The following RHEX variants were observed in gnomAD, a reference collection of about 807,000 sequenced individuals.
The protein encoded by RHEX is regulator of hemoglobinization and erythroid cell expansion protein.
RHEX carries 18 observed loss-of-function variants against 20.1 expected under a neutral mutation model. The observed-to-expected ratio is 0.90, with a 90% CI of 0.62 to 1.33. The LOEUF (loss-of-function observed/expected upper bound fraction) is 1.33, where lower values mean the gene tolerates loss of function less well. Ranked by LOEUF, RHEX falls within the 40% of genes most tolerant of loss-of-function variation. RHEX has a pLI of 0.00. For synonymous variants in RHEX, 87 were observed against 77.1 expected, an observed-to-expected ratio of 1.13 and a Z score of -0.67; for missense variants, 192 against 214.3, an observed-to-expected ratio of 0.90 and a Z score of 0.65.
At chr1:206,075,936 C>T (rs1461971975) in intron 1 of RHEX, among the ~76,000 whole-genome samples, 1 of 152,096 alleles carries the variant, frequency 6.6e-6, no homozygotes, top group African/African-American at 2.4e-5. Context: ...ACATCACTGT[C>T]TTGGCATTAT....
intron 1 of RHEX, among the ~76,000 whole-genome samples, chr1:206,054,318 A>T (rs1662141823): frequency 1.3e-5 from 2 of 152,266 alleles, no homozygotes; most frequent in African/African-American, 4.8e-5. Flanking sequence ...ATTTATGCAA[A>T]AAATGTTGTA....
At chr1:206,075,358 A>G (rs1157482944) in intron 1 of RHEX, among the ~76,000 whole-genome samples, 2 of 152,250 alleles carry the variant, frequency 1.3e-5, no homozygotes, top group Non-Finnish European at 2.9e-5. Flanking sequence ...AGAGTGGATC[A>G]TTGGCAGTGG....
intron 1 of RHEX, among the ~76,000 whole-genome samples, chr1:206,096,655 C>T (rs571857444): frequency 1.3e-5 from 2 of 152,326 alleles, no homozygotes; most frequent in Admixed American, 1.3e-4. Flanking sequence ...AATCAAGTCA[C>T]CAAATCCTTC....
chr1:206,091,623 G>C (rs1415153260), intron 1 of RHEX, among the ~76,000 whole-genome samples: 1 of 152,158 alleles, frequency 6.6e-6, no homozygotes, highest in East Asian at 1.9e-4. Context: ...TGGGATTTAG[G>C]ATTTTGAGTC....
At chr1:206,081,270 C>T (rs1379005852) in intron 1 of RHEX, among the ~76,000 whole-genome samples, 4 of 152,172 alleles carry the variant, frequency 2.6e-5, no homozygotes, top group Admixed American at 6.5e-5. Context: ...GTATCGAGTA[C>T]ATACTAGGTA....
chr1:206,091,773 C>T (rs1163720621), intron 1 of RHEX, among the ~76,000 whole-genome samples: 3 of 152,100 alleles, frequency 2.0e-5, no homozygotes, highest in Non-Finnish European at 4.4e-5. Flanking sequence ...ATGGAAAATA[C>T]CCAATGTTTG....
intron 1 of RHEX, among the ~76,000 whole-genome samples, chr1:206,059,192 A>T (rs1553283008): frequency 6.6e-6 from 1 of 152,046 alleles, no homozygotes; most frequent in African/African-American, 2.4e-5. Flanking sequence ...TTCATCTTGC[A>T]TGGTTCATGA....
Position 206,101,750 on chromosome 1 carries a change from A to G in RHEX, c.319-2A>G. Reference sequence around the variant, plus strand: ...CCCACATGTCTCTGCTTTTCTCCTAAGGCCACAGAGGATGTGGATTACACA... The same window carrying G: ...CCCACATGTCTCTGCTTTTCTCCTAGGGCCACAGAGGATGTGGATTACACA... On this transcript the variant is annotated splice_acceptor_variant, in intron 5 of 5. Transcript: ENST00000331555. LOFTEE classifies it high-confidence loss of function. 1 of 1,611,460 alleles carries G rather than the reference A, an allele frequency of 6.2e-7. No individual in the cohort carries two copies. Among genetic ancestry groups the G allele is most frequent in the Middle Eastern group, 1.7e-4 (1 of 6,040 alleles).
In RHEX at chr1:206,098,158, A is replaced by T; in HGVS notation, c.89A>T (p.Asn30Ile). ...CAGGCCTGCTTCCTCACCGCCATCA[A>T]CTACCTGCTCAGCAGGCACATGGGT... Reference protein sequence around the residue: ...FLQACFLTAINYLLSRHMAHK... With the variant: ...FLQACFLTAIIYLLSRHMAHK... Residue 30 changes from asparagine to isoleucine, a missense_variant, in exon 3 of 6, where the codon AAC (asparagine) becomes ATC (isoleucine). Asn to Ile is a moderately radical substitution (Grantham distance 149). Coordinates refer to ENST00000331555, the MANE Select transcript of RHEX (RefSeq NM_001007544.4). 6.2e-7 allele frequency: 1 copy of T among 1,613,626 alleles called. No homozygotes were observed. Among genetic ancestry groups the T allele is most frequent in the Non-Finnish European group, 8.5e-7 (1 of 1,179,600 alleles).
rs1227575512 is a variant in RHEX, at chr1:206,097,777, A to G, written c.-52A>G. On this transcript the variant is annotated 5_prime_UTR_variant, in exon 2 of 6. Transcript: ENST00000331555. ...TGGCACTACTGAGAGACGAGGTGCC[A>G]GGGTGGTTCCTGAAAGTGCCTGAGC... The G allele has an allele frequency of 3.1e-6, 5 of 1,614,018 alleles. No individual in the cohort carries two copies. Among genetic ancestry groups the G allele is most frequent in the Admixed American group, 3.3e-5 (2 of 60,010 alleles).
chr1:206,091,066 C>A (rs1046931086), intron 1 of RHEX, among the ~76,000 whole-genome samples: 3 of 152,196 alleles, frequency 2.0e-5, no homozygotes, highest in African/African-American at 2.4e-5. Context: ...GCTCCAGCAC[C>A]AGCCTGCCTG....
At chr1:206,068,805 A>G (rs1375554855) in intron 1 of RHEX, among the ~76,000 whole-genome samples, 1 of 152,240 alleles carries the variant, frequency 6.6e-6, no homozygotes, top group Admixed American at 6.5e-5. Context: ...ATATCCAGAT[A>G]GTATTCTTCA....
At chr1:206,064,952 G>A (rs1553284008) in intron 1 of RHEX, among the ~76,000 whole-genome samples, 1 of 152,088 alleles carries the variant, frequency 6.6e-6, no homozygotes, top group African/African-American at 2.4e-5. Flanking sequence ...TTCTGCCTTG[G>A]GATCCTGTTG....
At chr1:206,069,525 T>C (rs1553284465) in intron 1 of RHEX, among the ~76,000 whole-genome samples, 1 of 152,236 alleles carries the variant, frequency 6.6e-6, no homozygotes, top group African/African-American at 2.4e-5. Context: ...ACTAGAAGAA[T>C]GACCAACCAT....
intron 4 of RHEX, among the ~76,000 whole-genome samples, chr1:206,100,817 C>T (rs1186352770): frequency 6.6e-6 from 1 of 152,184 alleles, no homozygotes; most frequent in Non-Finnish European, 1.5e-5. Flanking sequence ...GGAAGACAGC[C>T]CTTTCCAAGC....
At position 206,097,723 on chromosome 1, in the gene RHEX, C is replaced by T. The variant is rs1663101491; in HGVS notation, c.-96-10C>T. The T allele has an allele frequency of 3.8e-6, 6 of 1,599,468 alleles. No homozygotes were observed. In the South Asian group the frequency reaches 5.5e-5, roughly 15 times the overall value. Reference sequence around the variant, plus strand: ...CCCTGGAGTCCTGACCAGCTCCTTACCTCTTGCAGATCTCCAGCACCCTGC... The same window carrying T: ...CCCTGGAGTCCTGACCAGCTCCTTATCTCTTGCAGATCTCCAGCACCCTGC... On this transcript the variant is annotated splice_polypyrimidine_tract_variant and intron_variant, in intron 1 of 5. Transcript: ENST00000331555.
chr1:206,077,893 A>G (rs1282231963), intron 1 of RHEX, among the ~76,000 whole-genome samples: 1 of 152,194 alleles, frequency 6.6e-6, no homozygotes, highest in Non-Finnish European at 1.5e-5. Flanking sequence ...GAAGAAAATG[A>G]TTGCTTATCA....
At chr1:206,088,812 A>T (rs1662890758) in intron 1 of RHEX, among the ~76,000 whole-genome samples, 1 of 152,060 alleles carries the variant, frequency 6.6e-6, no homozygotes, top group South Asian at 2.1e-4. Flanking sequence ...ATAAATTTTC[A>T]TTCTTTTTAT....
intron 1 of RHEX, chr1:206,083,394 C>A: frequency 2.2e-6 from 1 of 452,204 alleles, no homozygotes; most frequent in Non-Finnish European, 2.9e-6. Context: ...ACTGTCTGTA[C>A]CAGGGAGCTG....
Sources: allele counts gnomAD v4.1 joint callset (sites outside exome capture counted in the v4.1 genomes callset), GRCh38; gene constraint gnomAD v4.1.1; transcripts MANE v1.5; gene names NCBI Gene and HGNC (gene_info 2026-07-23, HGNC 2026-07-21).